The following TRPC4AP variants were observed in gnomAD, a reference collection of about 807,000 sequenced individuals.
TRPC4AP encodes the protein transient receptor potential cation channel subfamily C member 4 associated protein, also known as short transient receptor potential channel 4-associated protein.
In TRPC4AP, 45 loss-of-function variants were observed where a neutral mutation model predicts 99.0. The ratio of observed to expected loss-of-function variants is 0.45; its 90% CI spans 0.36 to 0.58. The LOEUF is 0.58. Among genes scored for constraint, TRPC4AP ranks in the 20% least tolerant of loss-of-function variants. TRPC4AP has a pLI of 0.00. For missense variants in TRPC4AP, 879 were observed against 985.3 expected (o/e 0.89, Z 1.44); for synonymous variants, 408 against 385.8 (o/e 1.06, Z -0.67).
At chr20:35,031,525 C>G (rs1056572788) in intron 8 of TRPC4AP, among the ~76,000 whole-genome samples, 3 of 150,612 alleles carry the variant, frequency 2.0e-5, no homozygotes, top group African/African-American at 7.3e-5. Context: ...TGTGCGCCAA[C>G]ATGCCAGGCC....
chr20:35,092,424 G>A (rs941563414), intron 1 of TRPC4AP, among the ~76,000 whole-genome samples, 190 bp downstream of exon 1: 4 of 152,348 alleles, frequency 2.6e-5, no homozygotes, highest in Admixed American at 2.0e-4. Flanking sequence ...CCTGACAAGG[G>A]ACATCAAGCC....
At chr20:35,074,276 C>T (rs2084409637) in intron 2 of TRPC4AP, among the ~76,000 whole-genome samples, 1 of 152,156 alleles carries the variant, frequency 6.6e-6, no homozygotes, top group Non-Finnish European at 1.5e-5. Context: ...TCCTTCAGTA[C>T]TGCTCTGATC....
intron 3 of TRPC4AP, among the ~76,000 whole-genome samples, chr20:35,066,266 C>A (rs781065282): frequency 6.6e-6 from 1 of 152,054 alleles, no homozygotes; most frequent in Non-Finnish European, 1.5e-5. Flanking sequence ...CTACCACAAT[C>A]GGCTAATTTT....
chr20:35,067,503 C>A (rs1291225356), intron 3 of TRPC4AP, among the ~76,000 whole-genome samples: 1 of 152,170 alleles, frequency 6.6e-6, no homozygotes, highest in African/African-American at 2.4e-5. Flanking sequence ...GACCCAGCAA[C>A]TGTATTCCTA....
intron 1 of TRPC4AP, among the ~76,000 whole-genome samples, chr20:35,088,081 G>A (rs576227059): frequency 5.3e-5 from 8 of 152,312 alleles, no homozygotes; most frequent in African/African-American, 1.7e-4. Context: ...CTTAGGATCC[G>A]TCAGCGTATA....
chr20:35,072,918 T>C (rs1177967053), intron 2 of TRPC4AP, among the ~76,000 whole-genome samples: 1 of 152,252 alleles, frequency 6.6e-6, no homozygotes, highest in East Asian at 1.9e-4. Context: ...TTCATGAGCA[T>C]GGGATGTTCT....
chr20:35,056,767 G>A (rs1478198415), intron 4 of TRPC4AP, among the ~76,000 whole-genome samples: 1 of 151,724 alleles, frequency 6.6e-6, no homozygotes, highest in Non-Finnish European at 1.5e-5. Context: ...ATCACTTGAG[G>A]TCAGGAGTTC....
intron 1 of TRPC4AP, among the ~76,000 whole-genome samples, chr20:35,081,123 A>G (rs983139288): frequency 2.0e-5 from 3 of 152,218 alleles, no homozygotes; most frequent in African/African-American, 7.2e-5. Context: ...AACAAAGGAT[A>G]GGACATTAAA....
chr20:35,054,192 T>TG (rs1488369564), intron 5 of TRPC4AP, among the ~76,000 whole-genome samples: 2 of 151,412 alleles, frequency 1.3e-5, no homozygotes, highest in Non-Finnish European at 2.9e-5. Context: ...GCTAAATGTT[T>TG]TTTTTTTTTT....
At chr20:35,082,992 T>C (rs1374863277) in intron 1 of TRPC4AP, among the ~76,000 whole-genome samples, 1 of 152,202 alleles carries the variant, frequency 6.6e-6, no homozygotes, top group African/African-American at 2.4e-5. Context: ...CTATTCATCA[T>C]ACTGGAGGTC....
intron 9 of TRPC4AP, among the ~76,000 whole-genome samples, chr20:35,020,011 A>C (rs911100196): frequency 3.3e-5 from 5 of 152,060 alleles, no homozygotes; most frequent in Admixed American, 2.6e-4. Context: ...CCACCTCAAT[A>C]CCTGGCAAAT....
At chr20:35,053,212 C>T (rs544110291) in intron 5 of TRPC4AP, among the ~76,000 whole-genome samples, 182 of 152,272 alleles carry the variant, frequency 1.2e-3, no homozygotes, top group Middle Eastern at 3.4e-3. Flanking sequence ...AAATTCTCTT[C>T]TAGCTATTTT....
chr20:35,069,105 C>T (rs1413012083), intron 3 of TRPC4AP, among the ~76,000 whole-genome samples, 191 bp downstream of exon 3: 1 of 152,006 alleles, frequency 6.6e-6, no homozygotes, highest in Non-Finnish European at 1.5e-5. Flanking sequence ...AGGTATACAC[C>T]AATTTAAATA....
intron 8 of TRPC4AP, among the ~76,000 whole-genome samples, chr20:35,034,763 G>C (rs2083279965): frequency 6.6e-6 from 1 of 152,088 alleles, no homozygotes; most frequent in Non-Finnish European, 1.5e-5. Context: ...ACCAGGAAAA[G>C]GTAGGGTACA....
chr20:35,074,168 T>C (rs1238184137), intron 2 of TRPC4AP, among the ~76,000 whole-genome samples: 4 of 152,174 alleles, frequency 2.6e-5, no homozygotes, highest in Non-Finnish European at 5.9e-5. Flanking sequence ...CTCTCTTTTC[T>C]TATTAGTCTT....
intron 8 of TRPC4AP, among the ~76,000 whole-genome samples, chr20:35,031,579 T>A (rs536852683): frequency 6.6e-6 from 1 of 151,900 alleles, no homozygotes; most frequent in South Asian, 2.1e-4. Context: ...ATCTGAGTAT[T>A]CCGACTTGGA....
intron 2 of TRPC4AP, among the ~76,000 whole-genome samples, chr20:35,073,572 G>A (rs1030539914): frequency 3.3e-5 from 5 of 152,140 alleles, no homozygotes; most frequent in African/African-American, 7.2e-5. Context: ...GATGGATTAC[G>A]TTTATTGATT....
chr20:35,034,077 G>A lies in TRPC4AP; in HGVS notation c.1051+1046C>T, dbSNP rs1440707484. On this transcript the variant is annotated intron_variant, in intron 8 of 18. Coordinates refer to ENST00000252015, the MANE Select transcript of TRPC4AP (RefSeq NM_015638.3). ...GGAGAATGGCGTGAACCCGGGAAGC[G>A]GAGCTTGCAGTGAGCCGAGATTGCG... is the stretch of plus-strand genomic sequence containing the variant. Among the ~76,000 whole-genome samples the A allele has an allele frequency of 2.6e-4, 5 of 19,256 alleles. 2 individuals are homozygous for A. Among genetic ancestry groups the A allele is most frequent in the Non-Finnish European group, 5.4e-4 (5 of 9,270 alleles). The allele number at this position is 19,256 out of a possible 152,430, so 12.6% of individuals were successfully genotyped here.
chr20:35,090,377 C>CTTTTTTTTTTTTTTT lies in TRPC4AP; in HGVS notation c.168+2222_168+2236dup, dbSNP rs71196792. Among the ~76,000 whole-genome samples the CTTTTTTTTTTTTTTT allele has an allele frequency of 1.3e-4, 12 of 88,980 alleles. 1 individual carries two copies. Among genetic ancestry groups the CTTTTTTTTTTTTTTT allele is most frequent in the African/African-American group, 4.2e-4 (9 of 21,612 alleles). 58.4% of individuals were successfully genotyped at this position (88,980 alleles called of 152,430 possible). On this transcript the variant is annotated intron_variant, in intron 1 of 18. Transcript: ENST00000252015. Reference sequence around the variant, plus strand: ...TTCCAGCAGCCTTGTATCTGGTGAGCTTTTTTTTTTTTTTTTTGAGATGAA... The same window carrying CTTTTTTTTTTTTTTT: ...TTCCAGCAGCCTTGTATCTGGTGAGCTTTTTTTTTTTTTTTTTTTTTTTTTTTTTTTTGAGATGAA...
Sources: gnomAD v4.1 joint callset for allele counts (sites outside exome capture counted in the v4.1 genomes callset) on GRCh38, gnomAD v4.1.1 for gene constraint, MANE v1.5 for transcripts, NCBI Gene and HGNC (gene_info 2026-07-23, HGNC 2026-07-21) for gene names.